Variants in MAP4K2 observed in about 807,000 individuals in gnomAD.
MAP4K2 encodes mitogen-activated protein kinase kinase kinase kinase 2.
Under a neutral mutation model 125.3 loss-of-function variants are expected in MAP4K2, and 85 were observed. The observed-to-expected ratio is 0.68, with a 90% CI of 0.57 to 0.81. MAP4K2 has a LOEUF of 0.81. Ranked by LOEUF, MAP4K2 falls within the 40% of genes least tolerant of loss-of-function variation. The pLI is 0.00. For synonymous variants in MAP4K2, 479 were observed against 445.1 expected, an observed-to-expected ratio of 1.08 and a Z score of -0.96; for missense variants, 923 against 1,056.4, an observed-to-expected ratio of 0.87 and a Z score of 1.75.
At chr11:64,801,288 T>G (rs1592607267) in intron 7 of MAP4K2, 105 bp from the exon 8 acceptor site, 1 of 1,386,424 alleles carries the variant, frequency 7.2e-7, no homozygotes, top group Non-Finnish European at 1.0e-6. Context: ...GACGGGCAGG[T>G]GGCCCCGCTT....
rs1360195777 is a variant in MAP4K2 at position 64,786,979 on chromosome 11, C to T, written c.*2558G>A. 1.3e-5 allele frequency: 2 copies of T among 150,494 alleles called. No individual in the cohort carries two copies. Among genetic ancestry groups the T allele is most frequent in the Non-Finnish European group, 2.9e-5 (2 of 67,828 alleles). The allele number at this position is 150,494 out of a possible 1,614,324, so 9.3% of individuals were successfully genotyped here. A position where few individuals can be genotyped will look rare whatever the true frequency, so the allele number is the denominator to read the frequency against. ...GATATATACATATCTTTTCAGGGTG[C>T]ATGTGATAATTTAATACATTCATAT... On this transcript the variant is annotated 3_prime_UTR_variant, in exon 32 of 32. Transcript: ENST00000294066.
Position 64,796,627 on chromosome 11 carries a change from G to C in MAP4K2, c.1572+7C>G. On this transcript the variant is annotated splice_region_variant and intron_variant, in intron 22 of 31. Transcript: ENST00000294066. ...GCCTCTGCCCCCCACAGCCAGCCGG[G>C]CCTCACCTTCTCCAGCGTATCCTCA... is the stretch of plus-strand genomic sequence containing the variant. 6.2e-7 allele frequency: 1 copy of C among 1,614,086 alleles called. No individual in the cohort carries two copies. Among genetic ancestry groups the C allele is most frequent in the Non-Finnish European group, 8.5e-7 (1 of 1,180,038 alleles).
At chr11:64,801,844 C>T in intron 5 of MAP4K2, 87 bp from the exon 6 acceptor site, 1 of 1,400,100 alleles carries the variant, frequency 7.1e-7, no homozygotes, top group Non-Finnish European at 1.0e-6. Flanking sequence ...GCCCCCCACT[C>T]AGGCTGCTTC....
In MAP4K2 at chr11:64,791,882, C is replaced by T. The variant is rs1195896960; in HGVS notation, c.2092+27G>A. The T allele has an allele frequency of 3.3e-6, 5 of 1,522,258 alleles. 1 individual carries two copies. Among genetic ancestry groups the T allele is most frequent in the Non-Finnish European group, 4.4e-6 (5 of 1,129,792 alleles). The allele number at this position is 1,522,258 out of a possible 1,614,324, so 94.3% of individuals were successfully genotyped here. A position where few individuals can be genotyped will look rare whatever the true frequency, so the allele number is the denominator to read the frequency against. ...CGGTCTCTCATGCACACACACCCAC[C>T]CCCAGCAGCCTGGCCCTTCTGCTCA... is the stretch of plus-strand genomic sequence containing the variant. On this transcript the variant is annotated intron_variant, in intron 27 of 31. Coordinates refer to ENST00000294066, the MANE Select transcript of MAP4K2 (RefSeq NM_004579.5).
At chr11:64,790,738 G>C (rs886283839) in intron 27 of MAP4K2, among the ~76,000 whole-genome samples, 1 of 152,230 alleles carries the variant, frequency 6.6e-6, no homozygotes, top group Non-Finnish European at 1.5e-5. Context: ...TCGTGACCCA[G>C]TCACTGTGTG....
Position 64,800,130 on chromosome 11 carries a change from G to A in MAP4K2, c.894C>T (p.Ser298=), listed in dbSNP as rs138522028. Residue 298 remains serine, a synonymous_variant, in exon 12 of 32, where the codon TCC becomes TCT. Coordinates refer to ENST00000294066, the MANE Select transcript of MAP4K2 (RefSeq NM_004579.5). ...CTACCTCCAGCTCACAGTCCTCAGGGGAGGGGGTCCCCAGATGAGGGTCAC... is the reference window on the plus strand; with the variant it reads ...CTACCTCCAGCTCACAGTCCTCAGGAGAGGGGGTCCCCAGATGAGGGTCAC... ...KASDPHLGTP[S]PEDCELETYD... 225 of 1,610,408 alleles carry A rather than the reference G, an allele frequency of 1.4e-4. No homozygotes were observed. The highest frequency in any genetic ancestry group is 1.6e-4 in the Non-Finnish European group (186 of 1,178,796).
In MAP4K2 at chr11:64,787,934, C is replaced by T. The variant is rs1262616378; in HGVS notation, c.*1603G>A. 2 of 152,154 alleles carry T rather than the reference C, an allele frequency of 1.3e-5. No individual in the cohort carries two copies. Among genetic ancestry groups the T allele is most frequent in the Non-Finnish European group, 2.9e-5 (2 of 68,044 alleles). 9.4% of individuals were successfully genotyped at this position (152,154 alleles called of 1,614,324 possible). On this transcript the variant is annotated 3_prime_UTR_variant, in exon 32 of 32. Coordinates refer to ENST00000294066, the MANE Select transcript of MAP4K2 (RefSeq NM_004579.5). ...GGAAGTTAGGAATTCACTTTGTATC[C>T]CTGTTACCACCGACCCCAATTTGGA...
At chr11:64,802,010 T>C in intron 5 of MAP4K2, 56 bp downstream of exon 5, 2 of 1,554,194 alleles carry the variant, frequency 1.3e-6, no homozygotes, top group Non-Finnish European at 1.8e-6. Context: ...TCATCTGGGC[T>C]CCTGGCCCAC....
intron 24 of MAP4K2, among the ~76,000 whole-genome samples, chr11:64,794,715 C>T (rs1457293448): frequency 2.0e-5 from 3 of 152,066 alleles, no homozygotes; most frequent in African/African-American, 7.2e-5. Context: ...CCAACACATA[C>T]TAACATATAC....
intron 1 of MAP4K2, 43 bp downstream of exon 1, chr11:64,803,011 G>A (rs1225714464): frequency 1.3e-6 from 2 of 1,582,392 alleles, no homozygotes; most frequent in African/African-American, 1.4e-5. Context: ...CGGGGTGCGG[G>A]GCTGGCACCC....
rs1360257704 is a variant in MAP4K2 at position 64,797,088 on chromosome 11, T to C, written c.1365+16A>G. On this transcript the variant is annotated intron_variant, in intron 19 of 31. Transcript: ENST00000294066. Reference sequence around the variant, plus strand: ...GTAGCCGCCCGTCTCCCCACCCCACTGTAGCACCCTCTTACCTCAGGATCC... The same window carrying C: ...GTAGCCGCCCGTCTCCCCACCCCACCGTAGCACCCTCTTACCTCAGGATCC... 1 of 1,614,126 alleles carries C rather than the reference T, an allele frequency of 6.2e-7. No individual in the cohort carries two copies. The highest frequency in any genetic ancestry group is 1.1e-5 in the South Asian group (1 of 91,086).
In MAP4K2 at chr11:64,801,190, G is replaced by A. The variant is rs780691209; in HGVS notation, c.458-7C>T. The A allele has an allele frequency of 6.2e-7, 1 of 1,611,432 alleles. No individual in the cohort carries two copies. The highest frequency in any genetic ancestry group is 8.5e-7 in the Non-Finnish European group (1 of 1,179,546). On this transcript the variant is annotated splice_region_variant and splice_polypyrimidine_tract_variant and intron_variant, in intron 7 of 31. Transcript: ENST00000294066. ...CCTGACACCCCAAAGTCAGCTGTGG[G>A]GAGAAACAGCCACTCTCACCAGCCC... is the stretch of plus-strand genomic sequence containing the variant.
In MAP4K2 at chr11:64,792,158, C is replaced by A. The variant is rs111587387; in HGVS notation, c.1914+14G>T. Reference sequence around the variant, plus strand: ...CTCTGAGGGTGCCCTGGGCCTCCCCCCACCGCCCCTCACCTTCAGCAGCAG... The same window carrying A: ...CTCTGAGGGTGCCCTGGGCCTCCCCACACCGCCCCTCACCTTCAGCAGCAG... On this transcript the variant is annotated intron_variant, in intron 26 of 31. Coordinates refer to ENST00000294066, the MANE Select transcript of MAP4K2 (RefSeq NM_004579.5). The A allele has an allele frequency of 3.2e-5, 51 of 1,599,522 alleles. No individual in the cohort carries two copies. The highest frequency in any genetic ancestry group is 2.5e-4 in the South Asian group (22 of 88,768).
At position 64,802,898 on chromosome 11, in the gene MAP4K2, G is replaced by C; in HGVS notation, c.141C>G (p.Val47=). 6.2e-7 allele frequency: 1 copy of C among 1,601,680 alleles called. No homozygotes were observed. The highest frequency in any genetic ancestry group is 8.5e-7 in the Non-Finnish European group (1 of 1,174,874). ...CCGGGCCCTCACCTGGGTCTAGCTT[G>C]ACTATCTTCACGGCGGCCAGTTCGG... ...VTSELAAVKI[V]KLDPGDDISS... The change falls in exon 2 of 32, where the codon GTC becomes GTG. Residue 47 remains valine, a synonymous_variant. Coordinates refer to ENST00000294066, the MANE Select transcript of MAP4K2 (RefSeq NM_004579.5).
At chr11:64,790,697 G>A (rs1048440943) in intron 27 of MAP4K2, among the ~76,000 whole-genome samples, 14 of 152,178 alleles carry the variant, frequency 9.2e-5, no homozygotes, top group Admixed American at 8.5e-4. Flanking sequence ...GGGGAGCCAC[G>A]GGAGGGCTCC....
chr11:64,795,623 C>G (rs996509656), intron 24 of MAP4K2, among the ~76,000 whole-genome samples: 2 of 152,114 alleles, frequency 1.3e-5, no homozygotes, highest in African/African-American at 4.8e-5. Context: ...AGGATAGTCT[C>G]CATCTCCTGA....
rs1318220960 is a variant in MAP4K2 at position 64,789,972 on chromosome 11, G to A, written c.2249-13C>T. On this transcript the variant is annotated splice_polypyrimidine_tract_variant and intron_variant, in intron 29 of 31. Coordinates refer to ENST00000294066, the MANE Select transcript of MAP4K2 (RefSeq NM_004579.5). ...TCCTGCAGGCACACTATGGGGGCCA[G>A]GCCACCATCAGCCCTGCACCCATCT... The A allele has an allele frequency of 6.2e-7, 1 of 1,612,796 alleles. No homozygotes were observed. Among genetic ancestry groups the A allele is most frequent in the Non-Finnish European group, 8.5e-7 (1 of 1,179,830 alleles).
In MAP4K2 at chr11:64,792,189, T is replaced by G. The variant is rs1940527257; in HGVS notation, c.1897A>C (p.Lys633Gln). ...CCCCTCACCTTCAGCAGCAGAAACT[T>G]CTGCAGCGGCTCATACCACTGCAGC... The part of the protein sequence containing the change: ...LLLQWYEPLQ[K>Q]FLLLKNFSSP... The change falls in exon 26 of 32, where the codon AAG becomes CAG. Residue 633 changes from lysine (K) to glutamine (Q), a missense_variant. By Grantham distance (53) the Lys-to-Gln change is moderately conservative. Transcript: ENST00000294066. 1.9e-6 allele frequency: 3 copies of G among 1,611,332 alleles called. No homozygotes were observed. Among genetic ancestry groups the G allele is most frequent in the Non-Finnish European group, 1.7e-6 (2 of 1,179,292 alleles).
At chr11:64,792,326 AC>A in intron 25 of MAP4K2, 37 bp downstream of exon 25, 1 of 1,534,434 alleles carries the variant, frequency 6.5e-7, no homozygotes, top group Non-Finnish European at 8.8e-7. Flanking sequence ...GCTGCCCCCC[AC>A]CAGGCCCCGC....
Sources: allele counts gnomAD v4.1 joint callset (sites outside exome capture counted in the v4.1 genomes callset), GRCh38; gene constraint gnomAD v4.1.1; transcripts MANE v1.5; gene names NCBI Gene and HGNC (gene_info 2026-07-23, HGNC 2026-07-21).